NPAS3: variants seen among roughly 807,000 people sequenced by gnomAD.
The protein encoded by NPAS3 is neuronal PAS domain-containing protein 3.
NPAS3 carries 14 observed loss-of-function variants against 73.1 expected under a neutral mutation model. The observed-to-expected ratio is 0.19, with a 90% CI of 0.13 to 0.30. The LOEUF (loss-of-function observed/expected upper bound fraction) is 0.30, where lower values mean the gene tolerates loss of function less well. Ranked by LOEUF, NPAS3 falls within the 10% of genes least tolerant of loss-of-function variation. NPAS3 has a pLI of 1.00. For missense variants in NPAS3, 1,096 were observed against 1,250.0 expected (o/e 0.88, Z 1.86); for synonymous variants, 620 against 541.5 (o/e 1.14, Z -2.01).
chr14:33,057,730 A>G (rs2138548100), intron 2 of NPAS3, among the ~76,000 whole-genome samples: 1 of 152,356 alleles, frequency 6.6e-6, no homozygotes, highest in Non-Finnish European at 1.5e-5. Flanking sequence ...TGTGACTGCC[A>G]GGGAAAGTCA....
rs1555350930 is a variant in NPAS3 at position 33,180,799 on chromosome 14, C to CAAAAAA, written c.141-34381_141-34380insAAAAAA. On this transcript the variant is annotated intron_variant, in intron 2 of 11. Transcript: ENST00000356141. ...GGGCGACAGAGCGAGACACTGTCTC[C>CAAAAAA]AAGAAAAAAAAAAAAAAAAAAAAAA... is the stretch of plus-strand genomic sequence containing the variant. Among the ~76,000 whole-genome samples the CAAAAAA allele has an allele frequency of 6.3e-4, 44 of 69,356 alleles. 9 individuals carry two copies. The highest frequency in any genetic ancestry group is 8.5e-4 in the Non-Finnish European group (33 of 38,842). 45.5% of individuals were successfully genotyped at this position (69,356 alleles called of 152,430 possible). A position where few individuals can be genotyped will look rare whatever the true frequency, so the allele number is the denominator to read the frequency against.
At chr14:32,940,571 TACAGTAAGATATATGC>T (rs1163242425) in intron 1 of NPAS3, among the ~76,000 whole-genome samples, 1 of 152,162 alleles carries the variant, frequency 6.6e-6, no homozygotes, top group Non-Finnish European at 1.5e-5. Flanking sequence ...GGAAAACAAA[TACAGTAAGATATATGC>T]ACCCCCACCC....
At chr14:33,004,242 G>A (rs1017929821) in intron 1 of NPAS3, among the ~76,000 whole-genome samples, 5 of 152,072 alleles carry the variant, frequency 3.3e-5, no homozygotes, top group African/African-American at 1.2e-4. Flanking sequence ...AGGCTCCTTT[G>A]TCATTGTGCA....
intron 5 of NPAS3, among the ~76,000 whole-genome samples, chr14:33,644,436 T>C (rs1462891469): frequency 6.6e-6 from 1 of 152,244 alleles, no homozygotes; most frequent in Non-Finnish European, 1.5e-5. Flanking sequence ...CTTTCTCATT[T>C]GGCCAGCCAT....
At chr14:33,152,310 C>T (rs2044476677) in intron 2 of NPAS3, among the ~76,000 whole-genome samples, 1 of 152,098 alleles carries the variant, frequency 6.6e-6, no homozygotes. Flanking sequence ...TTGGGAGCAT[C>T]ATTACTTCTC....
intron 3 of NPAS3, among the ~76,000 whole-genome samples, chr14:33,240,924 T>TA: frequency 1.3e-5 from 2 of 151,848 alleles, no homozygotes; most frequent in East Asian, 3.9e-4. Context: ...CCCAATTAAT[T>TA]GCCATTTGTG....
At chr14:32,953,107 A>G (rs564867124) in intron 1 of NPAS3, among the ~76,000 whole-genome samples, 1 of 151,204 alleles carries the variant, frequency 6.6e-6, no homozygotes, top group Non-Finnish European at 1.5e-5. Context: ...ACAACAACAA[A>G]AAACCCCAAA....
downstream of NPAS3, chr14:33,801,388 A>T: frequency 2.0e-6 from 1 of 497,018 alleles, no homozygotes; most frequent in Non-Finnish European, 3.5e-6. Context: ...TTGCATCTTT[A>T]TTAAGATGTC....
intron 2 of NPAS3, among the ~76,000 whole-genome samples, chr14:33,071,629 G>T (rs1409170709): frequency 6.6e-6 from 1 of 152,062 alleles, no homozygotes; most frequent in East Asian, 1.9e-4. Flanking sequence ...ATATATAATT[G>T]CAACATTTAC....
At chr14:33,526,223 C>T (rs2053795277) in intron 4 of NPAS3, among the ~76,000 whole-genome samples, 1 of 151,534 alleles carries the variant, frequency 6.6e-6, no homozygotes, top group South Asian at 2.1e-4. Context: ...TTCAGCTGGA[C>T]TTGAAAGTGC....
chr14:33,298,246 G>A (rs976008079), intron 3 of NPAS3, among the ~76,000 whole-genome samples: 13 of 152,192 alleles, frequency 8.5e-5, no homozygotes, highest in African/African-American at 3.1e-4. Context: ...TCGTACCACC[G>A]CGCTCCAGCC....
chr14:33,634,478 C>A (rs2058461469), intron 5 of NPAS3, among the ~76,000 whole-genome samples: 1 of 152,110 alleles, frequency 6.6e-6, no homozygotes, highest in Admixed American at 6.5e-5. Flanking sequence ...ATGCTGGAAC[C>A]AGTGAGATCA....
At chr14:33,488,343 G>A (rs571479815) in intron 4 of NPAS3, among the ~76,000 whole-genome samples, 8 of 151,936 alleles carry the variant, frequency 5.3e-5, no homozygotes, top group South Asian at 4.2e-4. Context: ...GAGTCTTAAC[G>A]GGGCTGGCAA....
chr14:33,080,243 GACT>G (rs1158572739), intron 2 of NPAS3, among the ~76,000 whole-genome samples: 1 of 152,028 alleles, frequency 6.6e-6, no homozygotes, highest in Non-Finnish European at 1.5e-5. Context: ...GAGTAGCTGG[GACT>G]ACAGGCGCCC....
intron 4 of NPAS3, among the ~76,000 whole-genome samples, chr14:33,432,285 T>C (rs2139164477): frequency 6.6e-6 from 1 of 152,274 alleles, no homozygotes; most frequent in Non-Finnish European, 1.5e-5. Context: ...TTCCTGTGCA[T>C]TTGGTTTGTG....
intron 6 of NPAS3, among the ~76,000 whole-genome samples, chr14:33,680,269 C>T (rs548897370): frequency 5.9e-5 from 9 of 152,182 alleles, no homozygotes; most frequent in Non-Finnish European, 1.2e-4. Flanking sequence ...CCTGGAGGAA[C>T]TTTAAAACTC....
intron 3 of NPAS3, among the ~76,000 whole-genome samples, chr14:33,354,208 C>G (rs111937189): frequency 7.9e-5 from 12 of 152,062 alleles, no homozygotes; most frequent in African/African-American, 2.9e-4. Flanking sequence ...GTTCCCGTTA[C>G]TCTCCCTTCA....
At chr14:33,530,694 T>C (rs2054000869) in intron 4 of NPAS3, among the ~76,000 whole-genome samples, 1 of 151,830 alleles carries the variant, frequency 6.6e-6, no homozygotes, top group Non-Finnish European at 1.5e-5. Context: ...GAAATGTCAG[T>C]CTTAATTATT....
intron 2 of NPAS3, among the ~76,000 whole-genome samples, chr14:33,133,250 A>G (rs1345911724): frequency 6.6e-6 from 1 of 152,194 alleles, no homozygotes; most frequent in East Asian, 1.9e-4. Flanking sequence ...AGGCAAGGAT[A>G]TGCACACATA....
Sources: gnomAD v4.1 joint callset for allele counts (sites outside exome capture counted in the v4.1 genomes callset) on GRCh38, gnomAD v4.1.1 for gene constraint, MANE v1.5 for transcripts, NCBI Gene and HGNC (gene_info 2026-07-23, HGNC 2026-07-21) for gene names.